The following TXN2 variants were observed in gnomAD, a reference collection of about 807,000 sequenced individuals.
TXN2 encodes the protein thioredoxin, mitochondrial.
Under a neutral mutation model 14.6 loss-of-function variants are expected in TXN2, and 12 were observed. The ratio of observed to expected loss-of-function variants is 0.82; its 90% CI spans 0.53 to 1.33. The LOEUF (loss-of-function observed/expected upper bound fraction) is 1.33, where lower values mean the gene tolerates loss of function less well. Among genes scored for constraint, TXN2 ranks in the 40% most tolerant of loss-of-function variants. The pLI, the probability that TXN2 is intolerant of heterozygous loss-of-function variation, is 0.00. For missense variants in TXN2, 173 were observed against 207.7 expected (o/e 0.83, Z 1.03); for synonymous variants, 89 against 81.0 (o/e 1.10, Z -0.53).
In TXN2 at chr22:36,467,651, G is replaced by C. The variant is rs1029265188; in HGVS notation, c.*153C>G. The C allele has an allele frequency of 4.5e-6, 3 of 666,432 alleles. No individual in the cohort carries two copies. The highest frequency in any genetic ancestry group is 7.9e-6 in the Non-Finnish European group (3 of 379,322). 41.3% of individuals were successfully genotyped at this position (666,432 alleles called of 1,614,324 possible). A position where few individuals can be genotyped will look rare whatever the true frequency, so the allele number is the denominator to read the frequency against. Reference sequence around the variant, plus strand: ...TCCTCTGATGGCCCCTGGGCAGTCCGCCAGCTCGGAAGCACTCAGGGCTGG... The same window carrying C: ...TCCTCTGATGGCCCCTGGGCAGTCCCCCAGCTCGGAAGCACTCAGGGCTGG... On this transcript the variant is annotated 3_prime_UTR_variant, in exon 4 of 4. Coordinates refer to ENST00000216185, the MANE Select transcript of TXN2 (RefSeq NM_012473.4).
chr22:36,474,241 C>T (rs1008546754), intron 3 of TXN2, among the ~76,000 whole-genome samples: 7 of 152,202 alleles, frequency 4.6e-5, no homozygotes, highest in African/African-American at 1.7e-4. Context: ...TTCCTAACTC[C>T]CAAAGCAGGC....
chr22:36,475,106 G>A (rs189453770), intron 3 of TXN2, among the ~76,000 whole-genome samples: 5 of 152,342 alleles, frequency 3.3e-5, no homozygotes, highest in Admixed American at 1.3e-4. Flanking sequence ...CGCTGGGCGC[G>A]GTGGCTTACG....
intron 3 of TXN2, among the ~76,000 whole-genome samples, chr22:36,469,577 G>C (rs1933230467): frequency 6.6e-6 from 1 of 152,192 alleles, no homozygotes; most frequent in African/African-American, 2.4e-5. Context: ...GGATGAGGCT[G>C]TGGCCCACCA....
chr22:36,479,882 C>CTT (rs113981716), intron 2 of TXN2, among the ~76,000 whole-genome samples: 6 of 139,990 alleles, frequency 4.3e-5, no homozygotes, highest in Admixed American at 7.2e-5. Context: ...ACACCGATAA[C>CTT]TTTTTTTTTT....
intron 2 of TXN2, among the ~76,000 whole-genome samples, chr22:36,479,489 G>C (rs548046572): frequency 1.7e-4 from 26 of 151,990 alleles, no homozygotes; most frequent in Middle Eastern, 3.4e-3. Context: ...CCGCCACCAC[G>C]CCCGATTAAT....
intron 2 of TXN2, among the ~76,000 whole-genome samples, chr22:36,478,010 G>A (rs890253145): frequency 2.0e-5 from 3 of 151,708 alleles, no homozygotes; most frequent in Admixed American, 6.6e-5. Context: ...GGTGGTGTGC[G>A]CCTGTAATCC....
intron 3 of TXN2, among the ~76,000 whole-genome samples, chr22:36,474,694 C>T (rs906148225): frequency 1.3e-5 from 2 of 152,226 alleles, no homozygotes; most frequent in African/African-American, 4.8e-5. Flanking sequence ...CTAAAAGTGT[C>T]TGTGAGCCAG....
rs763326187 is a variant in TXN2 at position 36,467,790 on chromosome 22, C to T, written c.*14G>A. 16 of 1,607,862 alleles carry T rather than the reference C, an allele frequency of 1.0e-5. No homozygotes were observed. The highest frequency in any genetic ancestry group is 3.3e-5 in the South Asian group (3 of 90,900). ...TCCCACGCGGGCAAGGGAACCAGGACTCATCCCTGCTTGTCAGCCAATCAG... is the reference window on the plus strand; with the variant it reads ...TCCCACGCGGGCAAGGGAACCAGGATTCATCCCTGCTTGTCAGCCAATCAG... On this transcript the variant is annotated 3_prime_UTR_variant, in exon 4 of 4. Coordinates refer to ENST00000216185, the MANE Select transcript of TXN2 (RefSeq NM_012473.4).
chr22:36,478,673 G>GA (rs1933437267), intron 2 of TXN2, among the ~76,000 whole-genome samples: 1 of 152,080 alleles, frequency 6.6e-6, no homozygotes, highest in Non-Finnish European at 1.5e-5. Context: ...TTTAAATGCT[G>GA]AAAAATAGGC....
chr22:36,480,872 C>A (rs752715362), intron 1 of TXN2, 35 bp from the exon 2 acceptor site: 5 of 1,517,290 alleles, frequency 3.3e-6, no homozygotes, highest in South Asian at 2.6e-5. Context: ...CTGGGGCACA[C>A]AAAAGGAAGT....
At chr22:36,468,138 A>G (rs759332668) in intron 3 of TXN2, among the ~76,000 whole-genome samples, 3 of 152,196 alleles carry the variant, frequency 2.0e-5, no homozygotes, top group Non-Finnish European at 2.9e-5. Context: ...GGCTCCCAAC[A>G]GTACCCTTCC....
chr22:36,471,969 A>G (rs988199554), intron 3 of TXN2, among the ~76,000 whole-genome samples: 2 of 95,890 alleles, frequency 2.1e-5, no homozygotes, highest in Non-Finnish European at 4.7e-5. Context: ...GACCCCCTCT[A>G]AAAAAAAAAA....
At position 36,480,592 on chromosome 22, in the gene TXN2, A is replaced by G. The variant is rs1933478933; in HGVS notation, c.246T>C (p.Val82=). 1.2e-6 allele frequency: 2 copies of G among 1,613,888 alleles called. No homozygotes were observed. Among genetic ancestry groups the G allele is most frequent in the South Asian group, 2.2e-5 (2 of 91,070 alleles). The stretch of plus-strand genomic sequence containing the variant: ...ATACTCACTGTGCGTGGAAATCCAC[A>G]ACCACTGGTGTCTCACTGTTGACCA... ...DRVVNSETPV[V]VDFHAQWCGP... is the part of the protein sequence containing the mutation. Residue 82 remains valine (V), a synonymous_variant, in exon 2 of 4, where the codon GTT becomes GTC. Coordinates refer to ENST00000216185, the MANE Select transcript of TXN2 (RefSeq NM_012473.4).
chr22:36,475,448 A>C (rs1323977968), intron 3 of TXN2, among the ~76,000 whole-genome samples: 1 of 152,198 alleles, frequency 6.6e-6, no homozygotes, highest in South Asian at 2.1e-4. Flanking sequence ...TTCTCCATTG[A>C]ACTTATTATC....
chr22:36,468,087 G>A (rs891529845), intron 3 of TXN2, among the ~76,000 whole-genome samples, 170 bp from the exon 4 acceptor site: 1 of 152,174 alleles, frequency 6.6e-6, no homozygotes, highest in African/African-American at 2.4e-5. Context: ...GGGTACTGCA[G>A]GGCCCGGGGG....
In TXN2 at chr22:36,473,620, C is replaced by G. The variant is rs1603488404; in HGVS notation, c.387+3113G>C. ...AACCCTGGCTGGAGCTTCCTAAACC[C>G]TGCAATGATGTCAGACCAGGGTTTG... is the stretch of plus-strand genomic sequence containing the variant. On this transcript the variant is annotated intron_variant, in intron 3 of 3. Transcript: ENST00000216185. Among the ~76,000 whole-genome samples, 3 of 152,262 alleles carry G rather than the reference C, an allele frequency of 2.0e-5. No individual in the cohort carries two copies. In the South Asian group the frequency reaches 6.2e-4, roughly 32 times the overall value.
intron 2 of TXN2, among the ~76,000 whole-genome samples, chr22:36,480,264 T>G (rs920385963): frequency 6.6e-6 from 1 of 152,236 alleles, no homozygotes; most frequent in African/African-American, 2.4e-5. Context: ...GGCCAGGAAC[T>G]GGTATACACC....
chr22:36,473,473 A>G (rs1933323940), intron 3 of TXN2, among the ~76,000 whole-genome samples: 1 of 152,166 alleles, frequency 6.6e-6, no homozygotes, highest in Admixed American at 6.6e-5. Context: ...GGCCTTAAAG[A>G]AAGCCATCAT....
Position 36,478,346 on chromosome 22 carries a change from C to A in TXN2, c.264-1490G>T, listed in dbSNP as rs932075569. ...ACTGAATGAACAACTCACACCACCC[C>A]ACTTCCTTACTGAACAAAATGAGGC... On this transcript the variant is annotated intron_variant, in intron 2 of 3. Coordinates refer to ENST00000216185, the MANE Select transcript of TXN2 (RefSeq NM_012473.4). Among the ~76,000 whole-genome samples the A allele has an allele frequency of 3.3e-5, 5 of 152,238 alleles. No individual in the cohort carries two copies. In the South Asian group the frequency reaches 1.0e-3, roughly 32 times the overall value.
Sources: gnomAD v4.1 joint callset for allele counts (sites outside exome capture counted in the v4.1 genomes callset) on GRCh38, gnomAD v4.1.1 for gene constraint, MANE v1.5 for transcripts, NCBI Gene and HGNC (gene_info 2026-07-23, HGNC 2026-07-21) for gene names.